The following SEPHS1 variants were observed in gnomAD, a reference collection of about 807,000 sequenced individuals.
SEPHS1 encodes zincore component SEPHS1.
In SEPHS1, 7 loss-of-function variants were observed where a neutral mutation model predicts 39.2. That is an observed-to-expected ratio of 0.18 (90% CI 0.10 to 0.34). The LOEUF (loss-of-function observed/expected upper bound fraction) is 0.34. SEPHS1 is among the 10% of genes least tolerant of loss of function. SEPHS1 has a pLI of 1.00. For synonymous variants in SEPHS1, 190 were observed against 195.5 expected (o/e 0.97, Z 0.23); for missense variants, 253 against 514.5 (o/e 0.49, Z 4.92).
rs1171477908 is a variant in SEPHS1, at chr10:13,318,488, A to G, written c.*654T>C. On this transcript the variant is annotated 3_prime_UTR_variant, in exon 9 of 9. Transcript: ENST00000327347. ...AAAACAGTTAATGGTATTACTGTAA[A>G]TATCAGGAAGGCTACAAAAAAAGAA... The G allele has an allele frequency of 2.6e-5, 4 of 152,678 alleles. No homozygotes were observed. Among genetic ancestry groups the G allele is most frequent in the South Asian group, 2.1e-4 (1 of 4,832 alleles). 9.5% of individuals were successfully genotyped at this position (152,678 alleles called of 1,614,324 possible). A position where few individuals can be genotyped will look rare whatever the true frequency, so the allele number is the denominator to read the frequency against.
intron 4 of SEPHS1, 79 bp downstream of exon 4, chr10:13,336,164 G>A: frequency 1.0e-6 from 1 of 968,160 alleles, no homozygotes; most frequent in Non-Finnish European, 1.6e-6. Flanking sequence ...CTTTCTAGAT[G>A]GGAAACCAAG....
At chr10:13,319,456 T>C in intron 8 of SEPHS1, 100 bp from the exon 9 acceptor site, 2 of 1,215,640 alleles carry the variant, frequency 1.6e-6, no homozygotes, top group African/African-American at 1.5e-5. Context: ...AACAACTTGC[T>C]GCCACCTATA....
intron 5 of SEPHS1, among the ~76,000 whole-genome samples, chr10:13,331,170 T>C (rs1017632529): frequency 5.9e-5 from 9 of 152,210 alleles, no homozygotes; most frequent in African/African-American, 1.9e-4. Flanking sequence ...GAACTCATCC[T>C]TTTTTACGGC....
chr10:13,346,366 T>C (rs1048347022), intron 1 of SEPHS1, among the ~76,000 whole-genome samples: 79 of 152,192 alleles, frequency 5.2e-4, no homozygotes, highest in Non-Finnish European at 5.4e-4. Flanking sequence ...TTCCCATTTA[T>C]AGAGTTTTCC....
rs201414633 is a variant in SEPHS1 at position 13,336,339 on chromosome 10, C to A, written c.309G>T (p.Ala103=). The A allele has an allele frequency of 6.2e-7, 1 of 1,612,870 alleles. No homozygotes were observed. Among genetic ancestry groups the A allele is most frequent in the East Asian group, 2.2e-5 (1 of 44,868 alleles). ...VDDPYMMGRI[A]CANVLSDLYA... ...AGAGGTCACTGAGGACATTGGCACACGCTATCCTGCCCTGGGAAGAGAGGG... is the reference window on the plus strand; with the variant it reads ...AGAGGTCACTGAGGACATTGGCACAAGCTATCCTGCCCTGGGAAGAGAGGG... The change falls in exon 4 of 9, where the codon GCG becomes GCT. Residue 103 remains alanine, a synonymous_variant. Coordinates refer to ENST00000327347, the MANE Select transcript of SEPHS1 (RefSeq NM_012247.5).
intron 7 of SEPHS1, among the ~76,000 whole-genome samples, chr10:13,324,636 G>T (rs1833211883): frequency 6.6e-6 from 1 of 152,018 alleles, no homozygotes; most frequent in Non-Finnish European, 1.5e-5. Context: ...TTTGAGACAG[G>T]GTCTCGCTTT....
chr10:13,331,329 T>C (rs1424922434), intron 5 of SEPHS1, among the ~76,000 whole-genome samples: 6 of 152,210 alleles, frequency 3.9e-5, no homozygotes, highest in Non-Finnish European at 5.9e-5. Flanking sequence ...GCATGATTTA[T>C]AATCCTTTGG....
intron 6 of SEPHS1, among the ~76,000 whole-genome samples, chr10:13,329,382 T>C (rs1833401804): frequency 6.6e-6 from 1 of 152,228 alleles, no homozygotes; most frequent in African/African-American, 2.4e-5. Flanking sequence ...CTTCATATTA[T>C]TTCTTAGTGA....
At chr10:13,329,824 AAC>A (rs1833414357) in intron 5 of SEPHS1, 36 bp from the exon 6 acceptor site, 1 of 1,493,874 alleles carries the variant, frequency 6.7e-7, no homozygotes. Flanking sequence ...TAGTCAAACT[AAC>A]CAAGGAGATG....
intron 7 of SEPHS1, among the ~76,000 whole-genome samples, chr10:13,325,419 G>T (rs1022639432): frequency 6.6e-6 from 1 of 152,122 alleles, no homozygotes; most frequent in Non-Finnish European, 1.5e-5. Context: ...GGTTTCCCTC[G>T]TGCTGTTCTC....
At chr10:13,346,811 G>T (rs997167998) in intron 1 of SEPHS1, among the ~76,000 whole-genome samples, 3 of 152,156 alleles carry the variant, frequency 2.0e-5, no homozygotes, top group African/African-American at 7.2e-5. Context: ...CAAAAAGGTG[G>T]GGAGGGGAAT....
chr10:13,347,653 C>T (rs938882682), intron 1 of SEPHS1, among the ~76,000 whole-genome samples: 1 of 146,972 alleles, frequency 6.8e-6, no homozygotes, highest in Admixed American at 6.7e-5. Flanking sequence ...GCCGCTCCCG[C>T]CGCGCGCACG....
rs550226774 is a variant in SEPHS1 at position 13,333,265 on chromosome 10, C to A, written c.560+552G>T. On this transcript the variant is annotated intron_variant, in intron 5 of 8. Coordinates refer to ENST00000327347, the MANE Select transcript of SEPHS1 (RefSeq NM_012247.5). ...TCTCCTGCCTCAGCCTCCCAAGTAG[C>A]TGGGATTACAGGCATGTACCATCAT... Among the ~76,000 whole-genome samples the A allele has an allele frequency of 3.3e-5, 5 of 151,772 alleles. No homozygotes were observed. The East Asian group carries it at 5.8e-4, about 18-fold the overall frequency.
In SEPHS1 at chr10:13,317,732, T is replaced by C. The variant is rs2131676471; in HGVS notation, c.*1410A>G. 6.6e-6 allele frequency: 1 copy of C among 152,342 alleles called. No homozygotes were observed. The highest frequency in any genetic ancestry group is 2.1e-4 in the South Asian group (1 of 4,828). 9.4% of individuals were successfully genotyped at this position (152,342 alleles called of 1,614,324 possible). On this transcript the variant is annotated 3_prime_UTR_variant, in exon 9 of 9. Coordinates refer to ENST00000327347, the MANE Select transcript of SEPHS1 (RefSeq NM_012247.5). ...TTTACATGTGCAGCTTTGGTGCCTGTGAGCAGAAAGCACCAGAAATGGGCA... is the reference window on the plus strand; with the variant it reads ...TTTACATGTGCAGCTTTGGTGCCTGCGAGCAGAAAGCACCAGAAATGGGCA...
At position 13,344,249 on chromosome 10, in the gene SEPHS1, A is replaced by C. The variant is rs115936647; in HGVS notation, c.193+509T>G. On this transcript the variant is annotated intron_variant, in intron 2 of 8. Coordinates refer to ENST00000327347, the MANE Select transcript of SEPHS1 (RefSeq NM_012247.5). ...TGGAACCGCCTTTCCTAGGGCAATG[A>C]AGGGAATGTGAGCATTTTAGGAGTC... Among the ~76,000 whole-genome samples, 993 of 152,350 alleles carry C rather than the reference A, an allele frequency of 6.5e-3. 13 individuals carry two copies. Among genetic ancestry groups the C allele is most frequent in the African/African-American group, 0.023 (945 of 41,580 alleles).
At chr10:13,332,550 A>T (rs1445237945) in intron 5 of SEPHS1, among the ~76,000 whole-genome samples, 1 of 152,170 alleles carries the variant, frequency 6.6e-6, no homozygotes, top group Non-Finnish European at 1.5e-5. Flanking sequence ...CAACTAAAAA[A>T]CCTAAAATGT....
intron 2 of SEPHS1, among the ~76,000 whole-genome samples, chr10:13,339,586 C>T (rs1278585436): frequency 1.3e-5 from 2 of 151,724 alleles, no homozygotes; most frequent in Non-Finnish European, 2.9e-5. Context: ...CAGAAGGACA[C>T]TCTTCTGTCC....
At position 13,328,753 on chromosome 10, in the gene SEPHS1, G is replaced by A. The variant is rs1429153367; in HGVS notation, c.652-303C>T. Among the ~76,000 whole-genome samples, 4 of 152,184 alleles carry A rather than the reference G, an allele frequency of 2.6e-5. No individual in the cohort carries two copies. The East Asian group carries it at 7.7e-4, about 29-fold the overall frequency. Reference sequence around the variant, plus strand: ...TGCTGTACATGCAGTGTAGTGTCCTGCTAGTGGAGAAGGGCTCCCCCATCC... The same window carrying A: ...TGCTGTACATGCAGTGTAGTGTCCTACTAGTGGAGAAGGGCTCCCCCATCC... On this transcript the variant is annotated intron_variant, in intron 6 of 8. Transcript: ENST00000327347.
At position 13,318,650 on chromosome 10, in the gene SEPHS1, C is replaced by A. The variant is rs1588528928; in HGVS notation, c.*492G>T. 6.2e-6 allele frequency: 1 copy of A among 160,302 alleles called. No individual in the cohort carries two copies. Among genetic ancestry groups the A allele is most frequent in the Admixed American group, 6.5e-5 (1 of 15,308 alleles). The allele number at this position is 160,302 out of a possible 1,614,324, so 9.9% of individuals were successfully genotyped here. A position where few individuals can be genotyped will look rare whatever the true frequency, so the allele number is the denominator to read the frequency against. On this transcript the variant is annotated 3_prime_UTR_variant, in exon 9 of 9. Coordinates refer to ENST00000327347, the MANE Select transcript of SEPHS1 (RefSeq NM_012247.5). ...AAGACTAGGCTTTTCAAATCAAACACTCAAAGGAATCATGCAACCCTCTTA... is the reference window on the plus strand; with the variant it reads ...AAGACTAGGCTTTTCAAATCAAACAATCAAAGGAATCATGCAACCCTCTTA...
Sources: gnomAD v4.1 joint callset for allele counts (sites outside exome capture counted in the v4.1 genomes callset) on GRCh38, gnomAD v4.1.1 for gene constraint, MANE v1.5 for transcripts, NCBI Gene and HGNC (gene_info 2026-07-23, HGNC 2026-07-21) for gene names.